Variants in C12orf42 observed in about 807,000 individuals in gnomAD.
C12orf42 encodes chromosome 12 open reading frame 42.
C12orf42 carries 25 observed loss-of-function variants against 21.6 expected under a neutral mutation model. The observed-to-expected ratio is 1.16, with a 90% CI of 0.84 to 1.62. The LOEUF is 1.62. Ranked by LOEUF, C12orf42 falls within the 40% of genes most tolerant of loss-of-function variation. The pLI is 0.00. For missense variants in C12orf42, 483 were observed against 459.3 expected, an observed-to-expected ratio of 1.05 and a Z score of -0.47; for synonymous variants, 174 against 175.0, an observed-to-expected ratio of 0.99 and a Z score of 0.05.
At chr12:103,071,459 G>C in the C12orf42 span, among the ~76,000 whole-genome samples, 1 of 152,112 alleles carries the variant, frequency 6.6e-6, no homozygotes, top group Non-Finnish European at 1.5e-5. Context: ...CAATCAGAGA[G>C]CATCCCTAAC....
chr12:103,407,183 A>G (rs1437280050), intron 2 of C12orf42, among the ~76,000 whole-genome samples: 1 of 152,188 alleles, frequency 6.6e-6, no homozygotes, highest in Non-Finnish European at 1.5e-5. Context: ...GTCTCCCATC[A>G]GGATGATTGC....
the C12orf42 span, chr12:103,178,780 A>G: frequency 1.3e-5 from 2 of 152,236 alleles, no homozygotes; most frequent in Admixed American, 1.3e-4. Flanking sequence ...GTATGTGTTT[A>G]AAAACCAGCA....
At position 103,366,601 on chromosome 12, in the gene C12orf42, C is replaced by T. The variant is rs113467996; in HGVS notation, c.259+2286G>A. ...ACTAATATCCAGAATCTAAAACAAA[C>T]TCAAACAAATTAGCAAGAAAAAAAC... On this transcript the variant is annotated intron_variant, in intron 4 of 5. Coordinates refer to ENST00000548883, the MANE Select transcript of C12orf42 (RefSeq NM_198521.5). 4.3e-3 allele frequency among the ~76,000 whole-genome samples: 656 copies of T among 152,060 alleles called. 7 individuals are homozygous for T. The highest frequency in any genetic ancestry group is 0.015 in the African/African-American group (636 of 41,530).
chr12:103,234,144 T>C (rs1002879656), downstream of C12orf42, among the ~76,000 whole-genome samples: 5 of 152,342 alleles, frequency 3.3e-5, no homozygotes, highest in East Asian at 1.9e-4. Flanking sequence ...TTGGCATCCC[T>C]GGGATAAATC....
chr12:103,349,851 GA>G (rs1457631446), intron 4 of C12orf42, among the ~76,000 whole-genome samples: 2 of 152,074 alleles, frequency 1.3e-5, no homozygotes, highest in African/African-American at 4.8e-5. Flanking sequence ...AATTTTACTT[GA>G]AAATGTCCAA....
At chr12:103,203,820 C>T in the C12orf42 span, among the ~76,000 whole-genome samples, 25 of 152,238 alleles carry the variant, frequency 1.6e-4, no homozygotes, top group Admixed American at 1.5e-3. Flanking sequence ...AACCAAACGT[C>T]TACTGAAAAA....
chr12:103,172,153 C>A, the C12orf42 span, among the ~76,000 whole-genome samples: 1 of 151,924 alleles, frequency 6.6e-6, no homozygotes, highest in African/African-American at 2.4e-5. Flanking sequence ...GCTCCTCCTG[C>A]CTAAATTCAT....
At chr12:103,460,325 A>C (rs1158469482) in intron 2 of C12orf42, among the ~76,000 whole-genome samples, 1 of 152,118 alleles carries the variant, frequency 6.6e-6, no homozygotes, top group Non-Finnish European at 1.5e-5. Context: ...TTCCCGGGAA[A>C]GATTACTATG....
At chr12:103,394,996 C>T (rs1464509451) in intron 3 of C12orf42, among the ~76,000 whole-genome samples, 2 of 152,250 alleles carry the variant, frequency 1.3e-5, no homozygotes, top group African/African-American at 2.4e-5. Context: ...AAAGTACTCA[C>T]TTATTCCTTC....
the C12orf42 span, among the ~76,000 whole-genome samples, chr12:103,170,088 C>A: frequency 2.0e-5 from 3 of 152,092 alleles, no homozygotes; most frequent in African/African-American, 7.2e-5. Context: ...GAGTGGTGAA[C>A]ACTCCACTAA....
Position 103,368,556 on chromosome 12 carries a change from T to C in C12orf42, c.259+331A>G, listed in dbSNP as rs78111653. On this transcript the variant is annotated intron_variant, in intron 4 of 5. Coordinates refer to ENST00000548883, the MANE Select transcript of C12orf42 (RefSeq NM_198521.5). The stretch of plus-strand genomic sequence containing the variant: ...GAAGAGCGTTTCTGTACTTTTGAAA[T>C]TACAAGCTCTAAGAATCGAATATGC... 3.3e-3 allele frequency among the ~76,000 whole-genome samples: 501 copies of C among 152,160 alleles called. 3 individuals are homozygous for C. The highest frequency in any genetic ancestry group is 0.011 in the African/African-American group (476 of 41,550).
chr12:103,449,883 T>A (rs1951829138), intron 2 of C12orf42, among the ~76,000 whole-genome samples: 1 of 151,694 alleles, frequency 6.6e-6, no homozygotes, highest in Non-Finnish European at 1.5e-5. Context: ...ATCTTTATAA[T>A]AGTAAGTCTT....
chr12:103,372,328 C>G (rs766198937), intron 3 of C12orf42, among the ~76,000 whole-genome samples: 1 of 152,164 alleles, frequency 6.6e-6, no homozygotes, highest in Non-Finnish European at 1.5e-5. Context: ...AACAGTGGTT[C>G]TCAAACTGCA....
At chr12:103,075,323 A>G in the C12orf42 span, among the ~76,000 whole-genome samples, 1 of 152,016 alleles carries the variant, frequency 6.6e-6, no homozygotes, top group African/African-American at 2.4e-5. Context: ...AATCATCTTA[A>G]TTTGTTGTAA....
downstream of C12orf42, among the ~76,000 whole-genome samples, chr12:103,297,507 C>T (rs1203356286): frequency 4.6e-5 from 7 of 152,272 alleles, no homozygotes; most frequent in African/African-American, 2.4e-5. Flanking sequence ...GGATTCACAG[C>T]CGAATTCTAC....
the C12orf42 span, among the ~76,000 whole-genome samples, chr12:103,166,301 G>A: frequency 1.3e-5 from 2 of 151,976 alleles, no homozygotes; most frequent in East Asian, 3.9e-4. Flanking sequence ...GATAATAGAG[G>A]AATAATTTAG....
intron 2 of C12orf42, among the ~76,000 whole-genome samples, chr12:103,473,351 T>C (rs1411291593): frequency 2.0e-5 from 3 of 152,204 alleles, no homozygotes; most frequent in Non-Finnish European, 2.9e-5. Context: ...ATGATAATAC[T>C]GTGACATGGA....
intron 3 of C12orf42, among the ~76,000 whole-genome samples, chr12:103,381,684 G>A (rs1215418071): frequency 1.3e-5 from 2 of 152,152 alleles, no homozygotes; most frequent in African/African-American, 2.4e-5. Flanking sequence ...TTGGGAGGCC[G>A]AGGCAGGCGG....
intron 1 of C12orf42, 87 bp from the exon 2 acceptor site, chr12:103,478,534 G>T: frequency 3.7e-6 from 2 of 539,564 alleles, no homozygotes; most frequent in African/African-American, 2.0e-5. Flanking sequence ...TTAAGAGCCA[G>T]AATCATCCTA....
Sources: allele counts gnomAD v4.1 joint callset (sites outside exome capture counted in the v4.1 genomes callset), GRCh38; gene constraint gnomAD v4.1.1; transcripts MANE v1.5; gene names NCBI Gene and HGNC (gene_info 2026-07-23, HGNC 2026-07-21).